GABARAPL2: variants seen among roughly 807,000 people sequenced by gnomAD.
GABARAPL2 encodes the protein gamma-aminobutyric acid receptor-associated protein-like 2.
In GABARAPL2, 11 loss-of-function variants were observed where a neutral mutation model predicts 16.9. The ratio of observed to expected loss-of-function variants is 0.65; its 90% CI spans 0.41 to 1.08. The LOEUF is 1.08. Ranked by LOEUF, GABARAPL2 falls within the 50% of genes least tolerant of loss-of-function variation. GABARAPL2 has a pLI of 0.00. For synonymous variants in GABARAPL2, 57 were observed against 50.7 expected (o/e 1.12, Z -0.53); for missense variants, 134 against 142.5 (o/e 0.94, Z 0.30).
chr16:75,574,417 C>T (rs574062042), intron 3 of GABARAPL2, among the ~76,000 whole-genome samples: 5 of 152,200 alleles, frequency 3.3e-5, no homozygotes, highest in African/African-American at 1.2e-4. Flanking sequence ...GTAGTGGCAG[C>T]GGGGAGATGT....
At chr16:75,569,462 C>T (rs1304582977) in intron 3 of GABARAPL2, among the ~76,000 whole-genome samples, 1 of 152,224 alleles carries the variant, frequency 6.6e-6, no homozygotes, top group East Asian at 1.9e-4. Context: ...GCTGTGTCTT[C>T]ACCAGGGGAG....
Position 75,577,610 on chromosome 16 carries a change from C to G in GABARAPL2, c.*241C>G. Reference sequence around the variant, plus strand: ...TGCCTGTATTCTCCAGGAAACTTGTCCTTCTGGAAATCATATTGAATGATA... The same window carrying G: ...TGCCTGTATTCTCCAGGAAACTTGTGCTTCTGGAAATCATATTGAATGATA... On this transcript the variant is annotated 3_prime_UTR_variant, in exon 4 of 4. Transcript: ENST00000037243. 1 of 387,102 alleles carries G rather than the reference C, an allele frequency of 2.6e-6. No individual in the cohort carries two copies. The highest frequency in any genetic ancestry group is 4.9e-5 in the South Asian group (1 of 20,390). 24.0% of individuals were successfully genotyped at this position (387,102 alleles called of 1,614,324 possible). A position where few individuals can be genotyped will look rare whatever the true frequency, so the allele number is the denominator to read the frequency against.
At chr16:75,567,038 G>A in intron 2 of GABARAPL2, 131 bp downstream of exon 2, 3 of 787,110 alleles carry the variant, frequency 3.8e-6, no homozygotes, top group South Asian at 1.5e-5. Flanking sequence ...GGGCCAGACC[G>A]GGATGAGGCC....
At chr16:75,574,351 C>A (rs901789720) in intron 3 of GABARAPL2, among the ~76,000 whole-genome samples, 1 of 152,224 alleles carries the variant, frequency 6.6e-6, no homozygotes, top group African/African-American at 2.4e-5. Context: ...GACAGAGACA[C>A]TATGGGGCGA....
Position 75,577,607 on chromosome 16 carries a change from T to G in GABARAPL2, c.*238T>G. 2.5e-6 allele frequency: 1 copy of G among 396,100 alleles called. No individual in the cohort carries two copies. Among genetic ancestry groups the G allele is most frequent in the Non-Finnish European group, 4.6e-6 (1 of 219,694 alleles). 24.5% of individuals were successfully genotyped at this position (396,100 alleles called of 1,614,324 possible). On this transcript the variant is annotated 3_prime_UTR_variant, in exon 4 of 4. Coordinates refer to ENST00000037243, the MANE Select transcript of GABARAPL2 (RefSeq NM_007285.7). The stretch of plus-strand genomic sequence containing the variant: ...TCATGCCTGTATTCTCCAGGAAACT[T>G]GTCCTTCTGGAAATCATATTGAATG...
intron 3 of GABARAPL2, among the ~76,000 whole-genome samples, chr16:75,573,373 A>G (rs533466393): frequency 5.9e-5 from 9 of 152,362 alleles, no homozygotes; most frequent in African/African-American, 1.9e-4. Context: ...GCTGTTTTCA[A>G]ATCAGTCTTG....
At chr16:75,569,453 C>G (rs1004736498) in intron 3 of GABARAPL2, among the ~76,000 whole-genome samples, 2 of 152,214 alleles carry the variant, frequency 1.3e-5, no homozygotes, top group Non-Finnish European at 2.9e-5. Flanking sequence ...GGCCTCTGGG[C>G]TGTGTCTTCA....
In GABARAPL2 at chr16:75,568,106, G is replaced by C. The variant is rs1279966984; in HGVS notation, c.160G>C (p.Asp54His). Residue 54 changes from aspartate (D) to histidine (H), a missense_variant, in exon 3 of 4, where the codon GAT (aspartate) becomes CAT (histidine). Transcript: ENST00000037243. ...IDKRKYLVPSDITVAQFMWII... is the reference protein window; with the variant it reads ...IDKRKYLVPSHITVAQFMWII... ...CAAACGGAAGTACTTGGTTCCATCT[G>C]ATATCACTGTGGCTCAGTTCATGTG... The C allele has an allele frequency of 6.2e-7, 1 of 1,612,382 alleles. No individual in the cohort carries two copies. Among genetic ancestry groups the C allele is most frequent in the East Asian group, 2.2e-5 (1 of 44,854 alleles).
At chr16:75,576,442 G>T (rs1334796892) in intron 3 of GABARAPL2, 1 of 152,216 alleles carries the variant, frequency 6.6e-6, no homozygotes, top group Non-Finnish European at 1.5e-5. Context: ...AGGATCTGTT[G>T]TGACTTACCT....
At chr16:75,570,280 GT>G (rs2080907698) in intron 3 of GABARAPL2, among the ~76,000 whole-genome samples, 1 of 152,084 alleles carries the variant, frequency 6.6e-6, no homozygotes, top group Non-Finnish European at 1.5e-5. Flanking sequence ...ATATAAATTT[GT>G]TTCTAAACAT....
chr16:75,570,488 G>A (rs1458811555), intron 3 of GABARAPL2, among the ~76,000 whole-genome samples: 2 of 152,144 alleles, frequency 1.3e-5, no homozygotes, highest in Admixed American at 1.3e-4. Flanking sequence ...TTCATGCAGT[G>A]CTTGCTGGCT....
intron 3 of GABARAPL2, among the ~76,000 whole-genome samples, chr16:75,571,451 C>G (rs1295113762): frequency 6.6e-6 from 1 of 152,182 alleles, no homozygotes; most frequent in African/African-American, 2.4e-5. Flanking sequence ...CATTTTCTCT[C>G]CAAGTCCCAT....
Position 75,568,171 on chromosome 16 carries a change from G to A in GABARAPL2, c.225G>A (p.Ala75=). ...RKRIQLPSEK[A]IFLFVDKTVP... is the part of the protein sequence containing the mutation. ...GGATCCAGCTTCCTTCTGAAAAGGC[G>A]ATCTTCCTGTTTGTGGATAAGACAG... The change falls in exon 3 of 4, where the codon GCG becomes GCA. Residue 75 remains alanine, a synonymous_variant. Transcript: ENST00000037243. The A allele has an allele frequency of 6.2e-7, 1 of 1,613,022 alleles. No individual in the cohort carries two copies. Among genetic ancestry groups the A allele is most frequent in the Non-Finnish European group, 8.5e-7 (1 of 1,179,036 alleles).
chr16:75,568,000 T>C, intron 2 of GABARAPL2, 37 bp from the exon 3 acceptor site: 1 of 1,543,474 alleles, frequency 6.5e-7, no homozygotes, highest in Non-Finnish European at 8.9e-7. Context: ...AGCCTCGCTT[T>C]AGGAAACACA....
chr16:75,566,422 G>T lies in GABARAPL2; in HGVS notation c.-65G>T. 2 of 1,266,402 alleles carry T rather than the reference G, an allele frequency of 1.6e-6. No homozygotes were observed. The highest frequency in any genetic ancestry group is 5.1e-5 in the East Asian group (2 of 39,514). The allele number at this position is 1,266,402 out of a possible 1,614,324, so 78.4% of individuals were successfully genotyped here. On this transcript the variant is annotated 5_prime_UTR_variant, in exon 1 of 4. Coordinates refer to ENST00000037243, the MANE Select transcript of GABARAPL2 (RefSeq NM_007285.7). ...CGCTGCCGCTGCCGCCGTCGTTGTT[G>T]TTGTGCTCGGTGCGCTGAGCTCCGC...
At chr16:75,574,292 C>G (rs2080933981) in intron 3 of GABARAPL2, among the ~76,000 whole-genome samples, 1 of 152,226 alleles carries the variant, frequency 6.6e-6, no homozygotes, top group Non-Finnish European at 1.5e-5. Context: ...ACTAGGGCTT[C>G]TAACTTGCTA....
intron 3 of GABARAPL2, among the ~76,000 whole-genome samples, chr16:75,569,640 T>C (rs577441364): frequency 4.6e-5 from 7 of 152,300 alleles, no homozygotes; most frequent in Admixed American, 1.3e-4. Context: ...ACCTATGGCA[T>C]TGAGTTTATT....
At chr16:75,566,797 C>G in intron 1 of GABARAPL2, 55 bp from the exon 2 acceptor site, 1 of 1,529,966 alleles carries the variant, frequency 6.5e-7, no homozygotes, top group South Asian at 1.1e-5. Context: ...GGCCGGGGGC[C>G]GGGAACCGAC....
In GABARAPL2 at chr16:75,566,558, G is replaced by A. The variant is rs768135836; in HGVS notation, c.34+38G>A. ...TCGTCGGCCCGGCTGCTGGGGGCTG[G>A]GGCGGCGGGTGGGCCCCCTCCCCCA... On this transcript the variant is annotated intron_variant, in intron 1 of 3. Coordinates refer to ENST00000037243, the MANE Select transcript of GABARAPL2 (RefSeq NM_007285.7). The A allele has an allele frequency of 3.7e-6, 6 of 1,603,010 alleles. No homozygotes were observed. The South Asian group carries it at 6.7e-5, about 18-fold the overall frequency.
Sources: gnomAD v4.1 joint callset for allele counts (sites outside exome capture counted in the v4.1 genomes callset) on GRCh38, gnomAD v4.1.1 for gene constraint, MANE v1.5 for transcripts, NCBI Gene and HGNC (gene_info 2026-07-23, HGNC 2026-07-21) for gene names.